The following COL19A1 variants were observed in gnomAD, a reference collection of about 807,000 sequenced individuals.
The protein encoded by COL19A1 is collagen alpha-1(XIX) chain.
COL19A1 carries 159 observed loss-of-function variants against 190.2 expected under a neutral mutation model. The observed-to-expected ratio is 0.84, with a 90% CI of 0.73 to 0.95. COL19A1 has a LOEUF of 0.95. Ranked by LOEUF, COL19A1 falls within the 40% of genes least tolerant of loss-of-function variation. The pLI is 0.00. For missense variants in COL19A1, 1,418 were observed against 1,431.9 expected (o/e 0.99, Z 0.16); for synonymous variants, 509 against 458.9 (o/e 1.11, Z -1.39).
intron 41 of COL19A1, among the ~76,000 whole-genome samples, chr6:70,174,393 C>A (rs1204878480): frequency 6.6e-6 from 1 of 152,092 alleles, no homozygotes; most frequent in African/African-American, 2.4e-5. Context: ...CGTGGTGACA[C>A]CCCATCTCCA....
chr6:70,170,350 G>A (rs1765423502), intron 40 of COL19A1, among the ~76,000 whole-genome samples: 1 of 152,044 alleles, frequency 6.6e-6, no homozygotes, highest in Admixed American at 6.6e-5. Context: ...AAAAACTTGA[G>A]AAGTCTTTTT....
In COL19A1 at chr6:70,199,736, G is replaced by T; in HGVS notation, c.3223G>T (p.Gly1075Cys). The T allele has an allele frequency of 6.2e-7, 1 of 1,604,252 alleles. No individual in the cohort carries two copies. The highest frequency in any genetic ancestry group is 1.1e-5 in the South Asian group (1 of 89,006). Residue 1075 changes from glycine to cysteine, a missense_variant and splice_region_variant, in exon 49 of 51, where the codon GGC becomes TGC. Coordinates refer to ENST00000620364, the MANE Select transcript of COL19A1 (RefSeq NM_001858.6). ...PGPPGDPGPQ[G>C]YRGQKGERGE... Reference sequence around the variant, plus strand: ...GCCACCAGGAGACCCTGGACCCCAAGGTAAGTCTTCAAGTGTAATATTGGC... The same window carrying T: ...GCCACCAGGAGACCCTGGACCCCAATGTAAGTCTTCAAGTGTAATATTGGC...
Position 69,932,882 on chromosome 6 carries a change from C to A in COL19A1, c.747+19C>A. The A allele has an allele frequency of 1.3e-6, 2 of 1,517,652 alleles. No individual in the cohort carries two copies. The highest frequency in any genetic ancestry group is 1.8e-6 in the Non-Finnish European group (2 of 1,100,120). 94.0% of individuals were successfully genotyped at this position (1,517,652 alleles called of 1,614,324 possible). ...TACTAAGGTAAGTTAATTTTCTTTG[C>A]ATATGAAGAATGAAGAACGCCAATT... On this transcript the variant is annotated intron_variant, in intron 7 of 50. Coordinates refer to ENST00000620364, the MANE Select transcript of COL19A1 (RefSeq NM_001858.6).
chr6:70,033,809 A>G (rs1171181268), intron 12 of COL19A1, among the ~76,000 whole-genome samples: 1 of 152,120 alleles, frequency 6.6e-6, no homozygotes, highest in Non-Finnish European at 1.5e-5. Flanking sequence ...TCCCCTCACA[A>G]TTAGATTTCT....
At chr6:69,958,414 A>G (rs894091090) in intron 9 of COL19A1, among the ~76,000 whole-genome samples, 6 of 152,262 alleles carry the variant, frequency 3.9e-5, no homozygotes, top group African/African-American at 1.4e-4. Flanking sequence ...GAGTAACAGG[A>G]GCTCCATTTC....
intron 14 of COL19A1, among the ~76,000 whole-genome samples, chr6:70,064,547 G>C (rs1007616677): frequency 2.0e-5 from 3 of 152,112 alleles, no homozygotes; most frequent in African/African-American, 4.8e-5. Flanking sequence ...TTGAAAACTG[G>C]CACAAGACAG....
intron 23 of COL19A1, among the ~76,000 whole-genome samples, chr6:70,143,778 A>G (rs79291426): frequency 0.022 from 3,318 of 152,140 alleles, 131 homozygotes; most frequent in African/African-American, 0.075. Context: ...AAGTGGAGCC[A>G]CAATGCTCAA....
intron 44 of COL19A1, among the ~76,000 whole-genome samples, chr6:70,180,789 T>C (rs1766124213): frequency 6.6e-6 from 1 of 152,232 alleles, no homozygotes; most frequent in Non-Finnish European, 1.5e-5. Context: ...TTAAGCCTAA[T>C]GTTCTCAACA....
At chr6:70,017,885 T>C (rs1778206078) in intron 11 of COL19A1, among the ~76,000 whole-genome samples, 1 of 152,198 alleles carries the variant, frequency 6.6e-6, no homozygotes, top group East Asian at 1.9e-4. Context: ...CCAAATAAGG[T>C]ACAAGTCAAT....
At chr6:69,964,619 G>A (rs1774989843) in intron 11 of COL19A1, among the ~76,000 whole-genome samples, 2 of 152,070 alleles carry the variant, frequency 1.3e-5, no homozygotes, top group East Asian at 1.9e-4. Flanking sequence ...ACCGTATTTG[G>A]CTTCAAGGAT....
chr6:70,160,528 G>A (rs1169922499), intron 34 of COL19A1, among the ~76,000 whole-genome samples: 1 of 152,114 alleles, frequency 6.6e-6, no homozygotes, highest in South Asian at 2.1e-4. Context: ...TGTTTCCCAA[G>A]CAAATTCATT....
At chr6:70,130,003 A>G (rs1785426052) in intron 17 of COL19A1, among the ~76,000 whole-genome samples, 179 bp from the exon 18 acceptor site, 1 of 152,244 alleles carries the variant, frequency 6.6e-6, no homozygotes, top group South Asian at 2.1e-4. Flanking sequence ...TATTTAGAAG[A>G]ATATTTAACA....
chr6:69,908,775 G>A (rs1028653612), intron 4 of COL19A1, among the ~76,000 whole-genome samples: 3 of 152,044 alleles, frequency 2.0e-5, no homozygotes. Flanking sequence ...GGGAAAAGTA[G>A]AACATATCAG....
intron 12 of COL19A1, among the ~76,000 whole-genome samples, chr6:70,026,168 T>A (rs1778722215): frequency 6.6e-6 from 1 of 152,226 alleles, no homozygotes; most frequent in South Asian, 2.1e-4. Context: ...GAACCTGAAA[T>A]ATATTCACAT....
intron 5 of COL19A1, among the ~76,000 whole-genome samples, chr6:69,929,177 C>T (rs1425235824): frequency 6.6e-6 from 1 of 151,932 alleles, no homozygotes; most frequent in African/African-American, 2.4e-5. Context: ...CACACACACA[C>T]ACACTCTTAG....
At chr6:70,177,994 G>A (rs1387894766) in intron 42 of COL19A1, among the ~76,000 whole-genome samples, 2 of 152,204 alleles carry the variant, frequency 1.3e-5, no homozygotes, top group Non-Finnish European at 2.9e-5. Flanking sequence ...GTTTTTCAAA[G>A]AGGAAGCATT....
intron 12 of COL19A1, among the ~76,000 whole-genome samples, chr6:70,033,386 T>G (rs1479935685): frequency 6.6e-6 from 1 of 152,170 alleles, no homozygotes; most frequent in Non-Finnish European, 1.5e-5. Context: ...TTCAGAATAC[T>G]TCTTTCTTCT....
intron 15 of COL19A1, among the ~76,000 whole-genome samples, chr6:70,093,783 TGTA>T (rs1371118554): frequency 6.6e-6 from 1 of 152,222 alleles, no homozygotes; most frequent in African/African-American, 2.4e-5. Context: ...TTTATTGAAC[TGTA>T]GCTCAAGAGG....
At chr6:70,021,886 T>C (rs1268682336) in intron 11 of COL19A1, among the ~76,000 whole-genome samples, 1 of 152,216 alleles carries the variant, frequency 6.6e-6, no homozygotes, top group Non-Finnish European at 1.5e-5. Flanking sequence ...TACCCTTCCA[T>C]TTTTAGCTTA....
Sources: gnomAD v4.1 joint callset for allele counts (sites outside exome capture counted in the v4.1 genomes callset) on GRCh38, gnomAD v4.1.1 for gene constraint, MANE v1.5 for transcripts, NCBI Gene and HGNC (gene_info 2026-07-23, HGNC 2026-07-21) for gene names.